The following UNC5D variants were observed in gnomAD, a reference collection of about 807,000 sequenced individuals.
The protein encoded by UNC5D is unc-5 netrin receptor D, also known as netrin receptor UNC5D.
UNC5D carries 39 observed loss-of-function variants against 105.4 expected under a neutral mutation model. The ratio of observed to expected loss-of-function variants is 0.37; its 90% CI spans 0.29 to 0.48. The LOEUF (loss-of-function observed/expected upper bound fraction) is 0.48, where lower values mean the gene tolerates loss of function less well. Among genes scored for constraint, UNC5D ranks in the 20% least tolerant of loss-of-function variants. UNC5D has a pLI of 0.98. For synonymous variants in UNC5D, 452 were observed against 450.4 expected (o/e 1.00, Z -0.04); for missense variants, 991 against 1,202.4 (o/e 0.82, Z 2.60).
chr8:35,521,985 C>T (rs1813515189), intron 1 of UNC5D, among the ~76,000 whole-genome samples: 1 of 152,110 alleles, frequency 6.6e-6, no homozygotes, highest in South Asian at 2.1e-4. Context: ...TATGTGCCTC[C>T]CTCAGATACT....
intron 1 of UNC5D, among the ~76,000 whole-genome samples, chr8:35,389,221 G>T (rs1400795367): frequency 6.6e-6 from 1 of 152,140 alleles, no homozygotes; most frequent in Non-Finnish European, 1.5e-5. Context: ...ATGTCTAATG[G>T]ACATCTAGGA....
At chr8:35,453,926 C>G (rs1481237983) in intron 1 of UNC5D, among the ~76,000 whole-genome samples, 1 of 152,082 alleles carries the variant, frequency 6.6e-6, no homozygotes, top group Non-Finnish European at 1.5e-5. Context: ...CTTTCCTCTC[C>G]CCTACCCCCT....
At chr8:35,515,834 A>T (rs966066442) in intron 1 of UNC5D, among the ~76,000 whole-genome samples, 16 of 152,150 alleles carry the variant, frequency 1.1e-4, no homozygotes, top group Non-Finnish European at 1.8e-4. Flanking sequence ...CTATCAAAAG[A>T]ATTTTTCTGA....
chr8:35,755,550 G>A (rs1830481076), intron 13 of UNC5D, among the ~76,000 whole-genome samples: 1 of 152,050 alleles, frequency 6.6e-6, no homozygotes, highest in African/African-American at 2.4e-5. Context: ...GCTTGTTTTA[G>A]TATCCCTGAA....
In UNC5D at chr8:35,554,770, C is replaced by T. The variant is rs6994832; in HGVS notation, c.322+5260C>T. 2.3e-3 allele frequency among the ~76,000 whole-genome samples: 344 copies of T among 152,240 alleles called. 1 individual carries two copies. The highest frequency in any genetic ancestry group is 7.7e-3 in the African/African-American group (318 of 41,550). ...TTATCTTATTCCACCTCAGAGATAT[C>T]GAATTCTAATGAGTGAAATAATGTG... On this transcript the variant is annotated intron_variant, in intron 2 of 16. Transcript: ENST00000404895.
At chr8:35,689,576 C>CAAAAGTT (rs1826251618) in intron 7 of UNC5D, among the ~76,000 whole-genome samples, 1 of 152,190 alleles carries the variant, frequency 6.6e-6, no homozygotes, top group Non-Finnish European at 1.5e-5. Context: ...AGTTCAAGCC[C>CAAAAGTT]AAAAGTTGGT....
At chr8:35,293,487 A>T (rs1563287275) in intron 1 of UNC5D, among the ~76,000 whole-genome samples, 1 of 152,064 alleles carries the variant, frequency 6.6e-6, no homozygotes, top group Non-Finnish European at 1.5e-5. Context: ...GCTGGTTTGG[A>T]AGCACTCATC....
intron 1 of UNC5D, among the ~76,000 whole-genome samples, chr8:35,443,095 A>T (rs1035017649): frequency 6.6e-6 from 1 of 151,898 alleles, no homozygotes; most frequent in Non-Finnish European, 1.5e-5. Flanking sequence ...GGACATATTC[A>T]CATATTTTCT....
At chr8:35,492,272 CTCTTA>C (rs1277272035) in intron 1 of UNC5D, among the ~76,000 whole-genome samples, 4 of 151,982 alleles carry the variant, frequency 2.6e-5, no homozygotes, top group Admixed American at 1.3e-4. Flanking sequence ...TGATTTATTT[CTCTTA>C]TCTTTCATCT....
At chr8:35,529,176 T>C (rs1353621659) in intron 1 of UNC5D, among the ~76,000 whole-genome samples, 2 of 130,066 alleles carry the variant, frequency 1.5e-5, no homozygotes, top group South Asian at 5.0e-4. Flanking sequence ...GTTTTTATGG[T>C]TTTAGGTCTA....
At chr8:35,248,758 TATATA>T (rs1585409196) in intron 1 of UNC5D, among the ~76,000 whole-genome samples, 1 of 97,918 alleles carries the variant, frequency 1.0e-5, no homozygotes, top group South Asian at 3.2e-4. Flanking sequence ...TATATAAATA[TATATA>T]ATATATTATA....
At chr8:35,319,313 G>A (rs1487573432) in intron 1 of UNC5D, among the ~76,000 whole-genome samples, 4 of 151,996 alleles carry the variant, frequency 2.6e-5, no homozygotes, top group African/African-American at 7.2e-5. Flanking sequence ...TTTTCAGACC[G>A]CATTTTAAAT....
chr8:35,379,599 T>C (rs1802900948), intron 1 of UNC5D, among the ~76,000 whole-genome samples: 1 of 152,086 alleles, frequency 6.6e-6, no homozygotes, highest in Non-Finnish European at 1.5e-5. Context: ...CTGCACTAAA[T>C]TCCACCGGTG....
At chr8:35,281,913 G>A (rs561470210) in intron 1 of UNC5D, among the ~76,000 whole-genome samples, 1 of 152,200 alleles carries the variant, frequency 6.6e-6, no homozygotes, top group African/African-American at 2.4e-5. Context: ...CTGTGTATGG[G>A]TTACTTTTAT....
At chr8:35,446,812 G>A (rs1416379751) in intron 1 of UNC5D, among the ~76,000 whole-genome samples, 9 of 152,070 alleles carry the variant, frequency 5.9e-5, no homozygotes, top group African/African-American at 1.9e-4. Context: ...CTGATGGCCT[G>A]TCCTGTGAGG....
chr8:35,692,809 C>CT (rs1400789636), intron 7 of UNC5D, among the ~76,000 whole-genome samples: 2 of 152,202 alleles, frequency 1.3e-5, no homozygotes, highest in African/African-American at 4.8e-5. Context: ...CTCCCAAGTA[C>CT]TTTTAATTTA....
chr8:35,286,678 C>CAGGTCAG (rs1384412251), intron 1 of UNC5D, among the ~76,000 whole-genome samples: 1 of 152,162 alleles, frequency 6.6e-6, no homozygotes, highest in Non-Finnish European at 1.5e-5. Flanking sequence ...GAGGCAGTTG[C>CAGGTCAG]AGGTCAGTGA....
intron 4 of UNC5D, among the ~76,000 whole-genome samples, chr8:35,609,612 A>G (rs940997998): frequency 2.6e-5 from 4 of 152,198 alleles, no homozygotes; most frequent in Admixed American, 1.3e-4. Flanking sequence ...TTAATTTCAT[A>G]GTGATATGAG....
chr8:35,782,105 C>T (rs1435843250), intron 16 of UNC5D, among the ~76,000 whole-genome samples: 3 of 152,166 alleles, frequency 2.0e-5, no homozygotes, highest in Admixed American at 6.5e-5. Context: ...TCATCTCTTG[C>T]TTAGTCTTTA....
Sources: gnomAD v4.1 joint callset for allele counts (sites outside exome capture counted in the v4.1 genomes callset) on GRCh38, gnomAD v4.1.1 for gene constraint, MANE v1.5 for transcripts, NCBI Gene and HGNC (gene_info 2026-07-23, HGNC 2026-07-21) for gene names.